DSC2: variants seen among roughly 807,000 people sequenced by gnomAD.
The protein encoded by DSC2 is desmocollin 2, also known as desmocollin-2.
DSC2 carries 51 observed loss-of-function variants against 87.6 expected under a neutral mutation model. The ratio of observed to expected loss-of-function variants is 0.58; its 90% CI spans 0.46 to 0.74. The LOEUF (loss-of-function observed/expected upper bound fraction) is 0.74. Ranked by LOEUF, DSC2 falls within the 30% of genes least tolerant of loss-of-function variation. The probability of loss-of-function intolerance (pLI) is 0.00; values close to 1 mark genes in which losing one functional copy is unlikely to be tolerated. For synonymous variants in DSC2, 383 were observed against 393.2 expected, an observed-to-expected ratio of 0.97 and a Z score of 0.31; for missense variants, 1,066 against 1,089.5, an observed-to-expected ratio of 0.98 and a Z score of 0.30.
chr18:31,090,652 T>A (rs1484312513), intron 4 of DSC2, among the ~76,000 whole-genome samples: 1 of 152,098 alleles, frequency 6.6e-6, no homozygotes, highest in Non-Finnish European at 1.5e-5. Flanking sequence ...GAACAAGAAA[T>A]AGAAAGATAG....
In DSC2 at chr18:31,074,760, T is replaced by C. The variant is rs1206662571; in HGVS notation, c.1811A>G (p.His604Arg). 5.0e-6 allele frequency: 8 copies of C among 1,613,938 alleles called. No individual in the cohort carries two copies. Among genetic ancestry groups the C allele is most frequent in the East Asian group, 2.2e-5 (1 of 44,872 alleles). The change falls in exon 12 of 16, where the codon CAT (histidine) becomes CGT (arginine). Residue 604 changes from histidine to arginine, a missense_variant. Physicochemically the swap from His to Arg is conservative, Grantham distance 29 (BLOSUM62 0). Coordinates refer to ENST00000280904, the MANE Select transcript of DSC2 (RefSeq NM_024422.6). Reference protein sequence around the residue: ...IVAVDPDEPIHGPPFDFSLES... With the variant: ...IVAVDPDEPIRGPPFDFSLES... ...CAGACTAAAGTCAAAGGGTGGGCCA[T>C]GGATAGGCTCATCAGGATCAACCGC... is the stretch of plus-strand genomic sequence containing the variant.
At chr18:31,087,615 T>C (rs1987443046) in intron 6 of DSC2, 54 bp downstream of exon 6, 1 of 1,574,238 alleles carries the variant, frequency 6.4e-7, no homozygotes, top group South Asian at 1.1e-5. Flanking sequence ...TGAAACTAAA[T>C]GTATGAATTG....
chr18:31,080,254 G>GCTGTA lies in DSC2; in HGVS notation c.1361_1362insTACAG (p.Thr457GlnfsTer8), dbSNP rs1987171052. On this transcript the variant is annotated frameshift_variant, in exon 10 of 16. Coordinates refer to ENST00000280904, the MANE Select transcript of DSC2 (RefSeq NM_024422.6). LOFTEE classifies it high-confidence loss of function. ...CTACATTAACAGTAACTGTTGCTGT[G>GCTGTA]CTCATGGCTGATCTTGGACTAGCCT... 6.2e-7 allele frequency: 1 copy of GCTGTA among 1,613,984 alleles called. No homozygotes were observed. The highest frequency in any genetic ancestry group is 2.2e-5 in the East Asian group (1 of 44,862).
rs1471509358 is a variant in DSC2, at chr18:31,061,736, A to G, written c.*6279T>C. On this transcript the variant is annotated 3_prime_UTR_variant, in exon 16 of 16. Coordinates refer to ENST00000280904, the MANE Select transcript of DSC2 (RefSeq NM_024422.6). ...CTAAAGTTTAAAATGCAGCCTCATA[A>G]TGTATCTATTTGCTTAATTTAAAAC... The G allele has an allele frequency of 6.6e-6, 1 of 152,186 alleles. No homozygotes were observed. Among genetic ancestry groups the G allele is most frequent in the East Asian group, 1.9e-4 (1 of 5,200 alleles). 9.4% of individuals were successfully genotyped at this position (152,186 alleles called of 1,614,324 possible).
intron 1 of DSC2, chr18:31,101,578 C>G: frequency 3.2e-6 from 1 of 314,980 alleles, no homozygotes; most frequent in Admixed American, 5.4e-5. Flanking sequence ...CGGCGCACTC[C>G]CGCCCCGGCG....
chr18:31,097,118 TA>T (rs1342330165), intron 1 of DSC2, among the ~76,000 whole-genome samples: 1 of 150,060 alleles, frequency 6.7e-6, no homozygotes, highest in Non-Finnish European at 1.5e-5. Flanking sequence ...CTGTCTCTAC[TA>T]AAAATACAAA....
intron 4 of DSC2, 24 bp downstream of exon 4, chr18:31,091,004 C>G (rs765627981): frequency 6.2e-7 from 1 of 1,613,834 alleles, no homozygotes; most frequent in South Asian, 1.1e-5. Context: ...TAGACTCCCA[C>G]AGCAGAAAGA....
At position 31,080,192 on chromosome 18, in the gene DSC2, A is replaced by G. The variant is rs1022023137; in HGVS notation, c.1424T>C (p.Ile475Thr). The G allele has an allele frequency of 1.2e-6, 2 of 1,613,990 alleles. No homozygotes were observed. The highest frequency in any genetic ancestry group is 1.7e-6 in the Non-Finnish European group (2 of 1,179,994). Reference protein sequence around the residue: ...QDEGPECNPPIQTVRMKENAE... With the variant: ...QDEGPECNPPTQTVRMKENAE... ...ATTTTCTTTCATGCGAACAGTCTGT[A>G]TTGGAGGGTTACACTCAGGGCCCTC... Residue 475 changes from isoleucine (I) to threonine (T), a missense_variant, in exon 10 of 16, where the codon ATA becomes ACA. Physicochemically the swap from Ile to Thr is moderately conservative, Grantham distance 89. Coordinates refer to ENST00000280904, the MANE Select transcript of DSC2 (RefSeq NM_024422.6).
At chr18:31,082,079 T>G (rs2144818433) in intron 9 of DSC2, among the ~76,000 whole-genome samples, 159 bp downstream of exon 9, 1 of 152,322 alleles carries the variant, frequency 6.6e-6, no homozygotes, top group Middle Eastern at 3.4e-3. Flanking sequence ...TATCAAAAAC[T>G]AATATATTCT....
chr18:31,089,231 C>A (rs1362662183), intron 5 of DSC2, among the ~76,000 whole-genome samples: 4 of 148,000 alleles, frequency 2.7e-5, no homozygotes, highest in African/African-American at 9.9e-5. Context: ...AATAGTAAAA[C>A]CATAATACCA....
rs1207882912 is a variant in DSC2, at chr18:31,091,063, T to C, written c.439A>G (p.Asn147Asp). The C allele has an allele frequency of 1.2e-6, 2 of 1,613,998 alleles. No individual in the cohort carries two copies. Among genetic ancestry groups the C allele is most frequent in the Non-Finnish European group, 1.7e-6 (2 of 1,179,918 alleles). Residue 147 changes from asparagine to aspartate, a missense_variant, in exon 4 of 16, where the codon AAC becomes GAC. By Grantham distance (23) the Asn-to-Asp change is conservative (BLOSUM62 1). Coordinates refer to ENST00000280904, the MANE Select transcript of DSC2 (RefSeq NM_024422.6). ...AAAAGTGGAAAAGGACCCAAGGAGT[T>C]TTCTAGCATCGAACAAGGAATTGGA... Reference protein sequence around the residue: ...WAPIPCSMLENSLGPFPLFLQ... With the variant: ...WAPIPCSMLEDSLGPFPLFLQ...
At position 31,074,904 on chromosome 18, in the gene DSC2, C is replaced by T. The variant is rs977269905; in HGVS notation, c.1667G>A (p.Gly556Glu). ...NITVLASDQG[G>E]RTCTGTLGII... is the part of the protein sequence containing the mutation. ...GCCCAGTGTCCCCGTACATGTTCTC[C>T]CTCCTAGAAAAATGAAAATAAAAAT... Residue 556 changes from glycine (G) to glutamate (E), a missense_variant, in exon 12 of 16, where the codon GGG (glycine) becomes GAG (glutamate). By Grantham distance (98) the Gly-to-Glu change is moderately conservative. Transcript: ENST00000280904. The T allele has an allele frequency of 3.7e-6, 6 of 1,612,756 alleles. No individual in the cohort carries two copies. In the African/African-American group the frequency reaches 6.7e-5, roughly 18 times the overall value.
At chr18:31,088,074 T>A (rs968584274) in intron 5 of DSC2, among the ~76,000 whole-genome samples, 8 of 152,202 alleles carry the variant, frequency 5.3e-5, no homozygotes, top group African/African-American at 1.7e-4. Context: ...TGCTATACTG[T>A]TATTCATGAG....
intron 11 of DSC2, among the ~76,000 whole-genome samples, chr18:31,079,410 C>G (rs188588893): frequency 3.9e-5 from 6 of 152,122 alleles, no homozygotes; most frequent in Admixed American, 2.6e-4. Flanking sequence ...CATGCCACTA[C>G]ACCCAGCTAA....
intron 5 of DSC2, among the ~76,000 whole-genome samples, chr18:31,088,060 T>C (rs2144834859): frequency 6.6e-6 from 1 of 152,348 alleles, no homozygotes; most frequent in African/African-American, 2.4e-5. Flanking sequence ...AGTTTCTTCA[T>C]TATTGCTATA....
chr18:31,101,909 G>C lies in DSC2; in HGVS notation c.63C>G (p.Thr21=). 6.5e-7 allele frequency: 1 copy of C among 1,531,712 alleles called. No homozygotes were observed. The highest frequency in any genetic ancestry group is 8.7e-7 in the Non-Finnish European group (1 of 1,144,230). 94.9% of individuals were successfully genotyped at this position (1,531,712 alleles called of 1,614,324 possible). Residue 21 remains threonine, a synonymous_variant, in exon 1 of 16, where the codon ACC becomes ACG. Transcript: ENST00000280904. ...TGGCCGCGGCTACACTCACCGCGAG[G>C]GTCAGCAGGAGCAGCCGGCAGAGGG... ...NGALCRLLLL[T]LAILIFASDA...
At chr18:31,098,811 C>T (rs755513108) in intron 1 of DSC2, among the ~76,000 whole-genome samples, 18 of 152,122 alleles carry the variant, frequency 1.2e-4, no homozygotes, top group Non-Finnish European at 8.8e-5. Flanking sequence ...TACTGATACA[C>T]CTGCCCACAT....
At chr18:31,098,429 G>A (rs928840552) in intron 1 of DSC2, among the ~76,000 whole-genome samples, 2 of 151,928 alleles carry the variant, frequency 1.3e-5, no homozygotes, top group Non-Finnish European at 2.9e-5. Flanking sequence ...CAATGTTTAT[G>A]GAGGGAAGAA....
At chr18:31,090,939 C>A in intron 4 of DSC2, 89 bp downstream of exon 4, 1 of 1,555,230 alleles carries the variant, frequency 6.4e-7, no homozygotes, top group Non-Finnish European at 8.8e-7. Context: ...TATTTATACA[C>A]AACTATTACA....
Sources: allele counts gnomAD v4.1 joint callset (sites outside exome capture counted in the v4.1 genomes callset), GRCh38; gene constraint gnomAD v4.1.1; transcripts MANE v1.5; gene names NCBI Gene and HGNC (gene_info 2026-07-23, HGNC 2026-07-21).